The following ASIC2 variants were observed in gnomAD, a reference collection of about 807,000 sequenced individuals.
The protein encoded by ASIC2 is acid sensing ion channel subunit 2, also known as acid-sensing ion channel 2.
In ASIC2, 25 loss-of-function variants were observed where a neutral mutation model predicts 57.3. The observed-to-expected ratio is 0.44, with a 90% CI of 0.32 to 0.61. The LOEUF (loss-of-function observed/expected upper bound fraction) is 0.61, where lower values mean the gene tolerates loss of function less well. ASIC2 is among the 20% of genes least tolerant of loss of function. The probability of loss-of-function intolerance (pLI) is 0.06; values close to 1 mark genes in which losing one functional copy is unlikely to be tolerated. For missense variants in ASIC2, 641 were observed against 738.1 expected, an observed-to-expected ratio of 0.87 and a Z score of 1.52; for synonymous variants, 319 against 307.5, an observed-to-expected ratio of 1.04 and a Z score of -0.39.
intron 1 of ASIC2, among the ~76,000 whole-genome samples, chr17:34,099,734 GA>G (rs1487194758): frequency 9.8e-3 from 5 of 508 alleles, no homozygotes; most frequent in South Asian, 0.12. Flanking sequence ...AGGAAAGAAG[GA>G]AAGAAAGAAA....
At chr17:34,012,830 T>G (rs762042806) in intron 1 of ASIC2, among the ~76,000 whole-genome samples, 4 of 152,044 alleles carry the variant, frequency 2.6e-5, no homozygotes, top group African/African-American at 4.8e-5. Context: ...GGGAAAGAGT[T>G]CAGGTCTCAC....
At chr17:34,126,131 G>A (rs1039238434) in intron 1 of ASIC2, among the ~76,000 whole-genome samples, 2 of 152,214 alleles carry the variant, frequency 1.3e-5, no homozygotes, top group Non-Finnish European at 2.9e-5. Flanking sequence ...ACCCAGTGGA[G>A]GACTGAAGGC....
At chr17:33,177,889 C>G (rs1050846237) in intron 1 of ASIC2, among the ~76,000 whole-genome samples, 7 of 152,250 alleles carry the variant, frequency 4.6e-5, no homozygotes, top group Middle Eastern at 3.4e-3. Context: ...CGTCTGGAGA[C>G]CAGTCTAGTT....
At chr17:33,475,051 C>T (rs1248901961) in intron 1 of ASIC2, among the ~76,000 whole-genome samples, 1 of 152,140 alleles carries the variant, frequency 6.6e-6, no homozygotes, top group Non-Finnish European at 1.5e-5. Context: ...AGGAAGTGCA[C>T]ATTTTCCTAA....
At chr17:34,033,009 C>T (rs896572320) in intron 1 of ASIC2, among the ~76,000 whole-genome samples, 14 of 152,270 alleles carry the variant, frequency 9.2e-5, no homozygotes, top group South Asian at 2.1e-4. Context: ...CTGCACCAAG[C>T]GGACCTTGTA....
At chr17:33,307,110 T>C (rs980849910) in intron 1 of ASIC2, among the ~76,000 whole-genome samples, 11 of 152,204 alleles carry the variant, frequency 7.2e-5, no homozygotes, top group African/African-American at 2.2e-4. Flanking sequence ...ACAAACGCTT[T>C]GCCTCAGCTA....
intron 1 of ASIC2, among the ~76,000 whole-genome samples, chr17:33,579,805 C>T (rs1279654457): frequency 1.3e-5 from 2 of 152,046 alleles, no homozygotes; most frequent in African/African-American, 4.8e-5. Context: ...GTGAAAAACA[C>T]CCCTTGGATT....
At chr17:33,962,320 T>C (rs1370663432) in intron 1 of ASIC2, among the ~76,000 whole-genome samples, 1 of 152,138 alleles carries the variant, frequency 6.6e-6, no homozygotes, top group Non-Finnish European at 1.5e-5. Flanking sequence ...AAAGCCCTCC[T>C]GGGGGAGGTG....
rs150348563 is a variant in ASIC2 at position 34,032,974 on chromosome 17, G to A, written c.555+123004C>T. Among the ~76,000 whole-genome samples, 910 of 152,232 alleles carry A rather than the reference G, an allele frequency of 6.0e-3. 11 individuals carry two copies. The highest frequency in any genetic ancestry group is 0.02 in the African/African-American group (849 of 41,544). On this transcript the variant is annotated intron_variant, in intron 1 of 9. Coordinates refer to the ASIC2 transcript ENST00000359872. ...GATAAACAAGACAGAAAGTTAACAA[G>A]GATATCCAGGAATTGAACTCAGCTC... is the stretch of plus-strand genomic sequence containing the variant.
Position 33,523,456 on chromosome 17 carries a change from A to ACCATCTCTATGAAAACTC in ASIC2, c.556-411390_556-411389insGAGTTTTCATAGAGATGG, listed in dbSNP as rs1914801046. On this transcript the variant is annotated intron_variant, in intron 1 of 9. Transcript: ENST00000359872. ...GTATTTATAGTAGAGATGGAGTTTC[A>ACCATCTCTATGAAAACTC]CCATATTGCCCAGGCTAGTCTCGAA... is the stretch of plus-strand genomic sequence containing the variant. Among the ~76,000 whole-genome samples the ACCATCTCTATGAAAACTC allele has an allele frequency of 2.0e-5, 3 of 152,032 alleles. No homozygotes were observed. In the South Asian group the frequency reaches 6.2e-4, roughly 32 times the overall value.
intron 1 of ASIC2, among the ~76,000 whole-genome samples, chr17:33,206,853 A>G (rs1010467110): frequency 1.3e-5 from 2 of 152,118 alleles, no homozygotes; most frequent in Non-Finnish European, 2.9e-5. Context: ...GGAAACATCA[A>G]TATTTTTGTT....
At chr17:33,586,428 T>C (rs1904635030) in intron 1 of ASIC2, among the ~76,000 whole-genome samples, 1 of 152,172 alleles carries the variant, frequency 6.6e-6, no homozygotes, top group Non-Finnish European at 1.5e-5. Flanking sequence ...AACCCACTGA[T>C]TGATCATTAA....
At chr17:33,987,222 A>G (rs1884659035) in intron 1 of ASIC2, among the ~76,000 whole-genome samples, 1 of 152,226 alleles carries the variant, frequency 6.6e-6, no homozygotes, top group South Asian at 2.1e-4. Flanking sequence ...TTTTGAACCA[A>G]CTCGGCTGCT....
At chr17:33,398,903 T>C (rs1392998149) in intron 1 of ASIC2, among the ~76,000 whole-genome samples, 16 of 152,190 alleles carry the variant, frequency 1.1e-4, no homozygotes, top group Admixed American at 1.0e-3. Context: ...GTGCTAGGCA[T>C]GCTGCAAAGG....
chr17:33,426,774 A>G (rs1306796150), intron 1 of ASIC2, among the ~76,000 whole-genome samples: 1 of 152,214 alleles, frequency 6.6e-6, no homozygotes, highest in East Asian at 1.9e-4. Context: ...CTCTGTCCTC[A>G]TGGAGCTTCT....
At chr17:33,881,191 A>C (rs1255504842) in intron 1 of ASIC2, among the ~76,000 whole-genome samples, 1 of 152,236 alleles carries the variant, frequency 6.6e-6, no homozygotes, top group Non-Finnish European at 1.5e-5. Flanking sequence ...TTCCCTTTGA[A>C]AACTGGCAGA....
At chr17:34,045,412 G>A (rs1472371165) in intron 1 of ASIC2, among the ~76,000 whole-genome samples, 4 of 152,208 alleles carry the variant, frequency 2.6e-5, no homozygotes, top group Non-Finnish European at 5.9e-5. Context: ...CTTTGAAACT[G>A]GGAGCCCCTA....
chr17:33,719,971 T>A (rs977428544), intron 1 of ASIC2, among the ~76,000 whole-genome samples: 2 of 152,194 alleles, frequency 1.3e-5, no homozygotes, highest in Non-Finnish European at 2.9e-5. Context: ...GCTTCAAAAC[T>A]TCTGGGCTCA....
At chr17:33,660,486 G>A (rs1319729227) in intron 1 of ASIC2, among the ~76,000 whole-genome samples, 1 of 151,758 alleles carries the variant, frequency 6.6e-6, no homozygotes, top group Non-Finnish European at 1.5e-5. Context: ...TACTTTTTAA[G>A]GATTTTTGTT....
Sources: gnomAD v4.1 joint callset for allele counts (sites outside exome capture counted in the v4.1 genomes callset) on GRCh38, gnomAD v4.1.1 for gene constraint, MANE v1.5 for transcripts, NCBI Gene and HGNC (gene_info 2026-07-23, HGNC 2026-07-21) for gene names.